CNTNAP5: variants seen among roughly 807,000 people sequenced by gnomAD.
CNTNAP5 encodes the protein contactin-associated protein-like 5.
A neutral mutation model predicts 150.2 loss-of-function variants in CNTNAP5; 72 were observed. That is an observed-to-expected ratio of 0.48 (90% CI 0.40 to 0.58). The LOEUF is 0.58. CNTNAP5 is among the 20% of genes least tolerant of loss of function. The pLI is 0.00. For synonymous variants in CNTNAP5, 672 were observed against 619.8 expected (o/e 1.08, Z -1.25); for missense variants, 1,636 against 1,626.2 (o/e 1.01, Z -0.10).
At chr2:124,712,114 G>T (rs989486358) in intron 13 of CNTNAP5, among the ~76,000 whole-genome samples, 2 of 152,132 alleles carry the variant, frequency 1.3e-5, no homozygotes, top group African/African-American at 4.8e-5. Flanking sequence ...CACTGCAAGA[G>T]AAATTTAAGC....
At position 124,036,069 on chromosome 2, in the gene CNTNAP5, C is replaced by T. The variant is rs190648918; in HGVS notation, c.82+10337C>T. Among the ~76,000 whole-genome samples, 1,226 of 150,962 alleles carry T rather than the reference C, an allele frequency of 8.1e-3. 74 individuals are homozygous for T. Among genetic ancestry groups the T allele is most frequent in the Admixed American group, 0.076 (1,156 of 15,172 alleles). ...CCTCCCGAGTAGCTGGGACTACAGGCGCCCGCCACCGCGCCCGGCTAATTT... is the reference window on the plus strand; with the variant it reads ...CCTCCCGAGTAGCTGGGACTACAGGTGCCCGCCACCGCGCCCGGCTAATTT... On this transcript the variant is annotated intron_variant, in intron 1 of 23. Transcript: ENST00000682447.
chr2:124,145,842 A>AAAAAT (rs1558774016), intron 1 of CNTNAP5, among the ~76,000 whole-genome samples: 4 of 146,324 alleles, frequency 2.7e-5, no homozygotes, highest in Non-Finnish European at 4.5e-5. Flanking sequence ...GAAAAAAAAA[A>AAAAAT]AAAATAAAAT....
Position 124,541,179 on chromosome 2 carries a change from A to ATT in CNTNAP5, c.1649+13739_1649+13740dup, listed in dbSNP as rs3980963. ...AGAGGATAAGAAGTACAAAATTCCG[A>ATT]TTTTTTTTTTTTTTTTTGGTGAGAA... On this transcript the variant is annotated intron_variant, in intron 10 of 23. Transcript: ENST00000682447. Among the ~76,000 whole-genome samples the ATT allele has an allele frequency of 6.7e-3, 559 of 83,076 alleles. 23 individuals carry two copies. Among genetic ancestry groups the ATT allele is most frequent in the African/African-American group, 0.024 (521 of 21,364 alleles). 54.5% of individuals were successfully genotyped at this position (83,076 alleles called of 152,430 possible).
At chr2:124,419,786 T>A (rs1056469254) in intron 4 of CNTNAP5, among the ~76,000 whole-genome samples, 4 of 152,116 alleles carry the variant, frequency 2.6e-5, no homozygotes, top group Admixed American at 2.6e-4. Context: ...GGAAATAATT[T>A]AAAAAACGAA....
At chr2:124,349,628 A>G (rs1000557752) in intron 3 of CNTNAP5, among the ~76,000 whole-genome samples, 2 of 152,194 alleles carry the variant, frequency 1.3e-5, no homozygotes, top group African/African-American at 2.4e-5. Flanking sequence ...AATAGAAACT[A>G]TACTTCCAAT....
intron 4 of CNTNAP5, among the ~76,000 whole-genome samples, chr2:124,426,719 T>A (rs1039303500): frequency 6.6e-6 from 1 of 152,184 alleles, no homozygotes; most frequent in African/African-American, 2.4e-5. Flanking sequence ...GCCCTTTTTT[T>A]AGCTGGTTTG....
At chr2:124,811,007 G>A (rs1682205220) in intron 19 of CNTNAP5, among the ~76,000 whole-genome samples, 4 of 150,736 alleles carry the variant, frequency 2.7e-5, no homozygotes, top group Admixed American at 2.7e-4. Context: ...CAAGAAAACA[G>A]GCCATTTGGA....
rs1342164452 is a variant in CNTNAP5 at position 124,572,605 on chromosome 2, CAG to C, written c.1756+9283_1756+9284del. ...TAAGAACCAAAAATAAGGATGAGCA[CAG>C]GGGATGTTTGGGGTTCACCCAGTGC... On this transcript the variant is annotated intron_variant, in intron 11 of 23. Transcript: ENST00000682447. Among the ~76,000 whole-genome samples the C allele has an allele frequency of 3.9e-5, 6 of 152,208 alleles. No individual in the cohort carries two copies. The East Asian group carries it at 1.2e-3, about 29-fold the overall frequency.
chr2:124,672,843 C>A (rs1678852261), intron 13 of CNTNAP5, among the ~76,000 whole-genome samples: 1 of 151,888 alleles, frequency 6.6e-6, no homozygotes, highest in South Asian at 2.1e-4. Flanking sequence ...TAAATAATTT[C>A]TCAAAATTAA....
intron 1 of CNTNAP5, among the ~76,000 whole-genome samples, chr2:124,094,510 C>G (rs1682887670): frequency 2.0e-5 from 3 of 152,284 alleles, no homozygotes; most frequent in East Asian, 3.9e-4. Context: ...TTGTCTAATA[C>G]ATATATATGT....
At chr2:124,026,044 G>C (rs1026520782) in intron 1 of CNTNAP5, among the ~76,000 whole-genome samples, 1 of 152,156 alleles carries the variant, frequency 6.6e-6, no homozygotes, top group African/African-American at 2.4e-5. Flanking sequence ...GCTTTTTCCG[G>C]AGAAGGGCCC....
chr2:124,753,996 C>G (rs1680785418), intron 14 of CNTNAP5, among the ~76,000 whole-genome samples: 1 of 152,188 alleles, frequency 6.6e-6, no homozygotes, highest in South Asian at 2.1e-4. Flanking sequence ...CCCAAGGGCC[C>G]TGCATTCCCT....
intron 21 of CNTNAP5, among the ~76,000 whole-genome samples, chr2:124,902,221 T>C (rs1678428231): frequency 1.3e-5 from 2 of 152,188 alleles, no homozygotes; most frequent in African/African-American, 2.4e-5. Context: ...TCCCAAATTA[T>C]TGCATGTCCA....
At chr2:124,142,308 A>G (rs868089499) in intron 1 of CNTNAP5, among the ~76,000 whole-genome samples, 192 of 136,594 alleles carry the variant, frequency 1.4e-3, no homozygotes, top group African/African-American at 5.1e-3. Context: ...CATCTACAGA[A>G]CTCTCCACCC....
At chr2:124,070,396 G>GGAAAA (rs761771947) in intron 1 of CNTNAP5, among the ~76,000 whole-genome samples, 4 of 72,954 alleles carry the variant, frequency 5.5e-5, no homozygotes, top group Non-Finnish European at 1.0e-4. Flanking sequence ...GCTGAATGGG[G>GGAAAA]AAAAAAAAAA....
intron 3 of CNTNAP5, among the ~76,000 whole-genome samples, chr2:124,371,619 G>A (rs75338259): frequency 6.6e-6 from 1 of 152,066 alleles, no homozygotes; most frequent in African/African-American, 2.4e-5. Context: ...AAATTTTGGG[G>A]ACTCTTGCAA....
intron 13 of CNTNAP5, among the ~76,000 whole-genome samples, chr2:124,703,939 T>A (rs1314982320): frequency 6.6e-6 from 1 of 152,186 alleles, no homozygotes; most frequent in East Asian, 1.9e-4. Flanking sequence ...GATTTAGATA[T>A]GAGTTTTTAA....
chr2:124,734,725 C>A (rs959632991), intron 13 of CNTNAP5, among the ~76,000 whole-genome samples: 4 of 152,086 alleles, frequency 2.6e-5, no homozygotes, highest in Non-Finnish European at 5.9e-5. Context: ...CACTTATCAT[C>A]CTACCTTTCT....
At chr2:124,813,237 C>T (rs891117194) in intron 19 of CNTNAP5, among the ~76,000 whole-genome samples, 10 of 151,790 alleles carry the variant, frequency 6.6e-5, no homozygotes, top group South Asian at 2.1e-4. Flanking sequence ...CCACCATGTC[C>T]GGTTAATTTT....
Sources: allele counts gnomAD v4.1 joint callset (sites outside exome capture counted in the v4.1 genomes callset), GRCh38; gene constraint gnomAD v4.1.1; transcripts MANE v1.5; gene names NCBI Gene and HGNC (gene_info 2026-07-23, HGNC 2026-07-21).